TUSC3: variants seen among roughly 807,000 people sequenced by gnomAD.
TUSC3 encodes the protein dolichyl-diphosphooligosaccharide--protein glycosyltransferase subunit TUSC3.
TUSC3 carries 45 observed loss-of-function variants against 44.8 expected under a neutral mutation model. The observed-to-expected ratio is 1.00, with a 90% CI of 0.79 to 1.29. TUSC3 has a LOEUF of 1.29. TUSC3 is among the 50% of genes most tolerant of loss of function. The probability of loss-of-function intolerance (pLI) is 0.00; values close to 1 mark genes in which losing one functional copy is unlikely to be tolerated. For missense variants in TUSC3, 519 were observed against 437.9 expected, an observed-to-expected ratio of 1.19 and a Z score of -1.65; for synonymous variants, 212 against 152.9, an observed-to-expected ratio of 1.39 and a Z score of -2.85.
intron 1 of TUSC3, among the ~76,000 whole-genome samples, chr8:15,548,464 A>G (rs1259728662): frequency 6.6e-6 from 1 of 151,820 alleles, no homozygotes; most frequent in African/African-American, 2.4e-5. Context: ...AAATTTTCTC[A>G]TCCTGTCTTT....
chr8:15,748,553 A>T, intron 9 of TUSC3, 88 bp downstream of exon 9: 1 of 1,236,510 alleles, frequency 8.1e-7, no homozygotes, highest in Non-Finnish European at 1.2e-6. Context: ...GGATGAATGT[A>T]AAGTTGCTGT....
At chr8:15,491,183 G>A (rs1398960169) in intron 2 of TUSC3, among the ~76,000 whole-genome samples, 1 of 151,822 alleles carries the variant, frequency 6.6e-6, no homozygotes, top group East Asian at 1.9e-4. Context: ...CTTTGTCTCA[G>A]TAGAGTGAAG....
At chr8:15,752,675 C>T (rs1489499492) in intron 9 of TUSC3, among the ~76,000 whole-genome samples, 2 of 151,984 alleles carry the variant, frequency 1.3e-5, no homozygotes, top group Non-Finnish European at 2.9e-5. Flanking sequence ...TCTGACTCTG[C>T]TTACTTGTCT....
chr8:15,731,537 C>A (rs940364798), intron 7 of TUSC3, among the ~76,000 whole-genome samples: 3 of 152,042 alleles, frequency 2.0e-5, no homozygotes, highest in Admixed American at 1.3e-4. Context: ...CTAGGCCAAA[C>A]CTCATTTTAT....
the TUSC3 span, among the ~76,000 whole-genome samples, chr8:15,823,583 T>C: frequency 6.6e-6 from 1 of 152,240 alleles, no homozygotes; most frequent in Non-Finnish European, 1.5e-5. Context: ...ATTTGATTTA[T>C]AAAAATCTGA....
the TUSC3 span, among the ~76,000 whole-genome samples, chr8:15,819,662 G>A: frequency 1.3e-5 from 2 of 152,116 alleles, no homozygotes; most frequent in Admixed American, 1.3e-4. Flanking sequence ...AAAGTATATA[G>A]AATTAAAAGT....
At chr8:15,563,961 A>C (rs1802574446) in intron 1 of TUSC3, among the ~76,000 whole-genome samples, 1 of 152,118 alleles carries the variant, frequency 6.6e-6, no homozygotes, top group African/African-American at 2.4e-5. Context: ...TTAAATTTTC[A>C]TTGAGTCTGA....
At chr8:15,672,575 G>C (rs1404873399) in intron 5 of TUSC3, among the ~76,000 whole-genome samples, 1 of 151,958 alleles carries the variant, frequency 6.6e-6, no homozygotes, top group Non-Finnish European at 1.5e-5. Context: ...CAAGTATTAT[G>C]ATAAAATTCT....
At chr8:15,835,790 A>G in the TUSC3 span, among the ~76,000 whole-genome samples, 3 of 152,106 alleles carry the variant, frequency 2.0e-5, no homozygotes, top group African/African-American at 7.2e-5. Context: ...GTTCCACTTT[A>G]TTAATTATGT....
intron 6 of TUSC3, among the ~76,000 whole-genome samples, chr8:15,679,509 A>G (rs1487772535): frequency 6.6e-6 from 1 of 152,108 alleles, no homozygotes; most frequent in Non-Finnish European, 1.5e-5. Flanking sequence ...CCTTTATCAG[A>G]TACATAGTTT....
chr8:15,745,454 G>T (rs550883526), intron 8 of TUSC3, among the ~76,000 whole-genome samples: 2 of 151,778 alleles, frequency 1.3e-5, no homozygotes, highest in African/African-American at 4.8e-5. Flanking sequence ...TTTTCCCCAC[G>T]ACCTCACCGG....
chr8:15,578,432 T>C (rs1803197207), intron 1 of TUSC3, among the ~76,000 whole-genome samples: 1 of 118,940 alleles, frequency 8.4e-6, no homozygotes, highest in Non-Finnish European at 1.7e-5. Context: ...GCCCATTCAG[T>C]ATGATATTGG....
In TUSC3 at chr8:15,461,980, C is replaced by T. The variant is rs146074420; in HGVS notation, n.92-21406C>T. ...AAAATAAGTGCTTCTGGTGATGGAA[C>T]AGGCATCACATCTTATAATTGTTTT... On this transcript the variant is annotated intron_variant and non_coding_transcript_variant, in intron 1 of 5. Coordinates refer to the TUSC3 transcript ENST00000503191. Among the ~76,000 whole-genome samples the T allele has an allele frequency of 1.4e-4, 22 of 152,126 alleles. No homozygotes were observed. In the East Asian group the frequency reaches 4.3e-3, roughly 29 times the overall value.
At chr8:15,639,288 T>A (rs1247100574) in intron 2 of TUSC3, among the ~76,000 whole-genome samples, 1 of 151,946 alleles carries the variant, frequency 6.6e-6, no homozygotes, top group Non-Finnish European at 1.5e-5. Flanking sequence ...TGTTCAGAGC[T>A]TCAGTGATGA....
At chr8:15,501,131 G>T (rs756284488) in intron 2 of TUSC3, among the ~76,000 whole-genome samples, 3 of 152,012 alleles carry the variant, frequency 2.0e-5, no homozygotes, top group Non-Finnish European at 4.4e-5. Context: ...ATCACTTTTG[G>T]TATTTCTACA....
intron 2 of TUSC3, among the ~76,000 whole-genome samples, chr8:15,649,505 T>A (rs1321497279): frequency 2.7e-5 from 4 of 150,898 alleles, no homozygotes; most frequent in Non-Finnish European, 5.9e-5. Context: ...AATGGCATGA[T>A]CCTGGGAGGC....
chr8:15,653,322 A>C (rs1585196167), intron 3 of TUSC3, among the ~76,000 whole-genome samples: 1 of 152,256 alleles, frequency 6.6e-6, no homozygotes, highest in Admixed American at 6.5e-5. Flanking sequence ...CCTAAATAAA[A>C]ATTTTTATAT....
intron 1 of TUSC3, among the ~76,000 whole-genome samples, chr8:15,461,227 A>G (rs1467944833): frequency 2.0e-5 from 3 of 151,986 alleles, no homozygotes; most frequent in Non-Finnish European, 4.4e-5. Flanking sequence ...TTTTTCTTGT[A>G]GAGGTCTTTC....
chr8:15,456,046 T>C (rs1263152394), intron 1 of TUSC3, among the ~76,000 whole-genome samples: 1 of 152,094 alleles, frequency 6.6e-6, no homozygotes, highest in African/African-American at 2.4e-5. Context: ...CCCAGAATAA[T>C]TCAATGTGTA....
Sources: gnomAD v4.1 joint callset for allele counts (sites outside exome capture counted in the v4.1 genomes callset) on GRCh38, gnomAD v4.1.1 for gene constraint, MANE v1.5 for transcripts, NCBI Gene and HGNC (gene_info 2026-07-23, HGNC 2026-07-21) for gene names.